Variants in NRG1 observed in about 807,000 individuals in gnomAD.
NRG1 encodes the protein neuregulin 1, also known as pro-neuregulin-1, membrane-bound isoform.
Under a neutral mutation model 63.8 loss-of-function variants are expected in NRG1, and 18 were observed. The observed-to-expected ratio is 0.28, with a 90% CI of 0.19 to 0.42. NRG1 has a LOEUF of 0.42. Among genes scored for constraint, NRG1 ranks in the 10% least tolerant of loss-of-function variants. The pLI, the probability that NRG1 is intolerant of heterozygous loss-of-function variation, is 1.00. For missense variants in NRG1, 762 were observed against 814.7 expected (o/e 0.94, Z 0.79); for synonymous variants, 302 against 301.3 (o/e 1.00, Z -0.02).
intron 5 of NRG1, among the ~76,000 whole-genome samples, chr8:32,626,540 C>T (rs1193597694): frequency 6.6e-6 from 1 of 151,850 alleles, no homozygotes; most frequent in Non-Finnish European, 1.5e-5. Flanking sequence ...ATTAGCTGGG[C>T]ATGGTGGCGG....
At chr8:32,474,462 G>T (rs1263231352) in intron 1 of NRG1, among the ~76,000 whole-genome samples, 1 of 137,000 alleles carries the variant, frequency 7.3e-6, no homozygotes. Context: ...CCCTACCTCT[G>T]GTTCTGCCTT....
downstream of NRG1, among the ~76,000 whole-genome samples, chr8:32,769,888 A>G (rs954995735): frequency 6.6e-6 from 1 of 152,136 alleles, no homozygotes; most frequent in African/African-American, 2.4e-5. Context: ...GAACTTTAAC[A>G]TGCTTCAAAA....
chr8:31,642,748 G>A (rs1081062), intron 1 of NRG1, among the ~76,000 whole-genome samples: 109,150 of 152,060 alleles, frequency 0.72, 39,325 homozygotes, highest in East Asian at 0.88. Flanking sequence ...CTGGATTTCT[G>A]TAGCTATTGT....
At chr8:32,027,077 A>T (rs1817495767) in intron 1 of NRG1, among the ~76,000 whole-genome samples, 1 of 151,810 alleles carries the variant, frequency 6.6e-6, no homozygotes, top group Non-Finnish European at 1.5e-5. Context: ...TAATTCTGTT[A>T]TTCTATTATT....
intron 1 of NRG1, among the ~76,000 whole-genome samples, chr8:32,140,350 T>C (rs1381596768): frequency 1.3e-5 from 2 of 152,162 alleles, no homozygotes; most frequent in Non-Finnish European, 2.9e-5. Context: ...TTCTGCTCGA[T>C]AATATAAATT....
rs71209904 is a variant in NRG1 at position 32,725,464 on chromosome 8, ATTTTTTTTTT to A, written c.503-2465_503-2456del. Among the ~76,000 whole-genome samples, 117 of 67,588 alleles carry A rather than the reference ATTTTTTTTTT, an allele frequency of 1.7e-3. 2 individuals are homozygous for A. The highest frequency in any genetic ancestry group is 2.4e-3 in the South Asian group (3 of 1,256). The allele number at this position is 67,588 out of a possible 152,430, so 44.3% of individuals were successfully genotyped here. A position where few individuals can be genotyped will look rare whatever the true frequency, so the allele number is the denominator to read the frequency against. On this transcript the variant is annotated intron_variant, in intron 5 of 11. Coordinates refer to ENST00000356819, the Ensembl canonical transcript of NRG1. Reference sequence around the variant, plus strand: ...TTTAACATTCGAGGCAAACTTCCTAATTTTTTTTTTTTTTTTTTTTTTTTTTTTTGAGACA... The same window carrying A: ...TTTAACATTCGAGGCAAACTTCCTAATTTTTTTTTTTTTTTTTTTGAGACA...
chr8:32,065,255 A>G (rs1375116838), intron 1 of NRG1, among the ~76,000 whole-genome samples: 1 of 151,886 alleles, frequency 6.6e-6, no homozygotes, highest in South Asian at 2.1e-4. Flanking sequence ...CACAACGTGC[A>G]GGTTTGTTAC....
At chr8:32,364,985 G>T (rs751542428) in intron 1 of NRG1, among the ~76,000 whole-genome samples, 15 of 65,192 alleles carry the variant, frequency 2.3e-4, no homozygotes, top group South Asian at 4.0e-4. Flanking sequence ...TTGAGACAGG[G>T]TCTCACCCTG....
chr8:32,493,624 C>A lies in NRG1; in HGVS notation c.38-102204C>A, dbSNP rs1826856465. Among the ~76,000 whole-genome samples, 3 of 152,176 alleles carry A rather than the reference C, an allele frequency of 2.0e-5. No individual in the cohort carries two copies. The South Asian group carries it at 6.2e-4, about 32-fold the overall frequency. ...AGCATTTCCCCGTGCTAATTGTCATCCTTCAGCTAATTTGGTACATTAAAG... is the reference window on the plus strand; with the variant it reads ...AGCATTTCCCCGTGCTAATTGTCATACTTCAGCTAATTTGGTACATTAAAG... On this transcript the variant is annotated intron_variant, in intron 1 of 10. Coordinates refer to the NRG1 transcript ENST00000519301.
intron 1 of NRG1, among the ~76,000 whole-genome samples, chr8:32,331,601 G>A (rs1400919004): frequency 6.6e-6 from 1 of 152,112 alleles, no homozygotes; most frequent in African/African-American, 2.4e-5. Flanking sequence ...TCTTTACAAA[G>A]AGAAGGTTAT....
At chr8:32,586,477 A>G (rs1841638217) in intron 1 of NRG1, among the ~76,000 whole-genome samples, 2 of 152,156 alleles carry the variant, frequency 1.3e-5, no homozygotes, top group African/African-American at 4.8e-5. Flanking sequence ...TAAATTTCTC[A>G]CAGACAAATG....
At chr8:31,980,040 A>G (rs1808825311) in intron 1 of NRG1, among the ~76,000 whole-genome samples, 1 of 152,072 alleles carries the variant, frequency 6.6e-6, no homozygotes, top group East Asian at 1.9e-4. Flanking sequence ...AATAGGTGCT[A>G]TTATTATCCC....
chr8:32,516,341 T>G (rs1403541024), intron 1 of NRG1, among the ~76,000 whole-genome samples: 1 of 152,194 alleles, frequency 6.6e-6, no homozygotes. Flanking sequence ...CCTTATAGTA[T>G]AGTTTGAAGT....
chr8:31,937,234 A>G (rs1189788178), intron 1 of NRG1, among the ~76,000 whole-genome samples: 1 of 152,216 alleles, frequency 6.6e-6, no homozygotes, highest in East Asian at 1.9e-4. Context: ...GGGCTTGAAT[A>G]AAAACATGTA....
intron 1 of NRG1, among the ~76,000 whole-genome samples, chr8:32,523,817 T>C (rs1830556606): frequency 1.3e-5 from 2 of 152,230 alleles, no homozygotes; most frequent in Non-Finnish European, 2.9e-5. Context: ...CACTCCAGCC[T>C]GGGAGACAGA....
intron 1 of NRG1, among the ~76,000 whole-genome samples, chr8:31,957,616 T>C (rs1804669717): frequency 6.7e-6 from 1 of 148,836 alleles, no homozygotes; most frequent in Admixed American, 6.6e-5. Context: ...AAAACACTGT[T>C]AATGAGATAT....
intron 5 of NRG1, among the ~76,000 whole-genome samples, chr8:32,630,249 T>C (rs1442516580): frequency 6.6e-6 from 1 of 152,146 alleles, no homozygotes; most frequent in African/African-American, 2.4e-5. Flanking sequence ...CCTAATGAGA[T>C]GACCAAATCT....
intron 1 of NRG1, among the ~76,000 whole-genome samples, chr8:31,871,610 A>G (rs1390089144): frequency 6.6e-6 from 1 of 151,976 alleles, no homozygotes; most frequent in African/African-American, 2.4e-5. Context: ...TGGGACTTTC[A>G]CTAAAAAACT....
At chr8:31,851,180 G>A (rs573214500) in intron 1 of NRG1, among the ~76,000 whole-genome samples, 1 of 152,328 alleles carries the variant, frequency 6.6e-6, no homozygotes, top group South Asian at 2.1e-4. Context: ...GAAAGGGAAA[G>A]CCAAATCCTT....
Sources: gnomAD v4.1 joint callset for allele counts (sites outside exome capture counted in the v4.1 genomes callset) on GRCh38, gnomAD v4.1.1 for gene constraint, MANE v1.5 for transcripts, NCBI Gene and HGNC (gene_info 2026-07-23, HGNC 2026-07-21) for gene names.